Variants in TBC1D4 observed in about 807,000 individuals in gnomAD.
The protein encoded by TBC1D4 is TBC (Tre-2, BUB2, CDC16) domain-containing protein.
A neutral mutation model predicts 142.5 loss-of-function variants in TBC1D4; 121 were observed. The observed-to-expected ratio is 0.85, with a 90% confidence interval of 0.73 to 0.99. The LOEUF (loss-of-function observed/expected upper bound fraction) is 0.99. TBC1D4 is among the 50% of genes least tolerant of loss of function. The pLI, the probability that TBC1D4 is intolerant of heterozygous loss-of-function variation, is 0.00. For synonymous variants in TBC1D4, 630 were observed against 628.2 expected (o/e 1.00, Z -0.04); for missense variants, 1,475 against 1,606.6 (o/e 0.92, Z 1.40).
At chr13:75,456,971 T>C (rs910079030) in intron 1 of TBC1D4, among the ~76,000 whole-genome samples, 6 of 152,014 alleles carry the variant, frequency 3.9e-5, no homozygotes, top group African/African-American at 1.4e-4. Flanking sequence ...TTCTGCTGTA[T>C]GCAACACCAG....
chr13:75,398,183 C>CGTAA (rs1164725514), intron 1 of TBC1D4, among the ~76,000 whole-genome samples: 1 of 152,200 alleles, frequency 6.6e-6, no homozygotes, highest in Non-Finnish European at 1.5e-5. Flanking sequence ...GCTGTTCTTA[C>CGTAA]CAAGGAGAAT....
At chr13:75,387,321 A>G (rs1884237210) in intron 1 of TBC1D4, among the ~76,000 whole-genome samples, 1 of 152,230 alleles carries the variant, frequency 6.6e-6, no homozygotes. Flanking sequence ...TTGTCAGATA[A>G]TGGTTAATAT....
intron 1 of TBC1D4, among the ~76,000 whole-genome samples, chr13:75,371,661 T>C (rs145990488): frequency 9.9e-4 from 151 of 152,322 alleles, no homozygotes; most frequent in African/African-American, 3.4e-3. Flanking sequence ...CTGTGTTCTC[T>C]GGATTGCTAA....
At chr13:75,414,895 G>A (rs538146149) in intron 1 of TBC1D4, among the ~76,000 whole-genome samples, 26 of 151,972 alleles carry the variant, frequency 1.7e-4, no homozygotes, top group East Asian at 3.9e-4. Context: ...AGGCTGAGGC[G>A]GGCGGATCAC....
rs190521826 is a variant in TBC1D4, at chr13:75,292,332, G to A, written c.3317-61C>T. 102 of 1,377,684 alleles carry A rather than the reference G, an allele frequency of 7.4e-5. No homozygotes were observed. The East Asian group carries it at 1.3e-3, about 17-fold the overall frequency. The allele number at this position is 1,377,684 out of a possible 1,614,324, so 85.3% of individuals were successfully genotyped here. ...ATGCATCCACTCTTGTAAAAAGCAC[G>A]CTATTTGTGCTAAAGGTTTTTGTTT... On this transcript the variant is annotated intron_variant, in intron 18 of 20. Coordinates refer to ENST00000377636, the MANE Select transcript of TBC1D4 (RefSeq NM_014832.5).
intron 8 of TBC1D4, 115 bp downstream of exon 8, chr13:75,336,806 G>GTT: frequency 1.8e-5 from 21 of 1,193,084 alleles, no homozygotes; most frequent in Non-Finnish European, 1.9e-5. Flanking sequence ...GTTATCTTAG[G>GTT]TTTTTTTTTT....
intron 10 of TBC1D4, among the ~76,000 whole-genome samples, 183 bp downstream of exon 10, chr13:75,326,014 T>G (rs1879208192): frequency 6.6e-6 from 1 of 152,214 alleles, no homozygotes; most frequent in African/African-American, 2.4e-5. Context: ...AACTCTTCTT[T>G]TTGTGTATGC....
In TBC1D4 at chr13:75,302,209, C is replaced by T. The variant is rs1340305479; in HGVS notation, c.2911+34G>A. 1.9e-6 allele frequency: 3 copies of T among 1,613,502 alleles called. No homozygotes were observed. In the Admixed American group the frequency reaches 5.0e-5, roughly 27 times the overall value. On this transcript the variant is annotated intron_variant, in intron 16 of 20. Transcript: ENST00000377636. The stretch of plus-strand genomic sequence containing the variant: ...ACTTAACAGAGGGATCAGCTGTTTA[C>T]TTTTGTAAATTATAATCCACATGAC...
rs1880507239 is a variant in TBC1D4 at position 75,339,592 on chromosome 13, T to TA, written c.1611+1532_1611+1533insT. 2.0e-5 allele frequency among the ~76,000 whole-genome samples: 3 copies of TA among 151,904 alleles called. No homozygotes were observed. In the East Asian group the frequency reaches 5.8e-4, roughly 29 times the overall value. On this transcript the variant is annotated intron_variant, in intron 7 of 20. Transcript: ENST00000377636. ...ATAACTTTGTGCTCAATGTTCTTTT[T>TA]TTTTTTTGAGACGGAGTCTCCTGTC...
intron 1 of TBC1D4, among the ~76,000 whole-genome samples, chr13:75,364,097 A>C (rs1022088824): frequency 6.6e-6 from 1 of 152,128 alleles, no homozygotes; most frequent in African/African-American, 2.4e-5. Flanking sequence ...GGGAGTGTGC[A>C]TGGTGGGGGC....
At chr13:75,331,353 A>C (rs1240670269) in intron 8 of TBC1D4, among the ~76,000 whole-genome samples, 2 of 152,014 alleles carry the variant, frequency 1.3e-5, no homozygotes, top group Non-Finnish European at 2.9e-5. Context: ...AAATAAAATT[A>C]GCCAGGCTTG....
chr13:75,479,669 C>T (rs527327788), intron 1 of TBC1D4, among the ~76,000 whole-genome samples: 8 of 151,888 alleles, frequency 5.3e-5, no homozygotes, highest in African/African-American at 1.9e-4. Flanking sequence ...ATGCAACTGG[C>T]TCCTCTTTAC....
chr13:75,472,235 A>G (rs561129523), intron 1 of TBC1D4, among the ~76,000 whole-genome samples: 107 of 151,390 alleles, frequency 7.1e-4, no homozygotes, highest in Non-Finnish European at 1.2e-3. Context: ...CCTGGCCAAC[A>G]TGGTGAAACT....
intron 17 of TBC1D4, among the ~76,000 whole-genome samples, chr13:75,298,587 C>A (rs1876189839): frequency 6.6e-6 from 1 of 152,106 alleles, no homozygotes; most frequent in Admixed American, 6.6e-5. Context: ...CCCATCTCTA[C>A]TAGAAATACA....
At chr13:75,331,319 C>T (rs550312512) in intron 8 of TBC1D4, among the ~76,000 whole-genome samples, 2 of 151,798 alleles carry the variant, frequency 1.3e-5, no homozygotes, top group East Asian at 1.9e-4. Context: ...CATGATAAGA[C>T]CCTGTCTGTA....
chr13:75,361,527 GC>G (rs1192666943), intron 2 of TBC1D4, among the ~76,000 whole-genome samples: 3 of 151,988 alleles, frequency 2.0e-5, no homozygotes, highest in African/African-American at 7.2e-5. Flanking sequence ...TTACAGGCAC[GC>G]CCCCACCACA....
At position 75,468,131 on chromosome 13, in the gene TBC1D4, T is replaced by C. The variant is rs1297918190; in HGVS notation, c.498+13139A>G. Among the ~76,000 whole-genome samples the C allele has an allele frequency of 3.9e-5, 6 of 152,150 alleles. No homozygotes were observed. In the East Asian group the frequency reaches 1.2e-3, roughly 29 times the overall value. Reference sequence around the variant, plus strand: ...GTTGGTTTTTAAATAAACAGGGTAATGAACAAAGGAACAACTAAGAAATCA... The same window carrying C: ...GTTGGTTTTTAAATAAACAGGGTAACGAACAAAGGAACAACTAAGAAATCA... On this transcript the variant is annotated intron_variant, in intron 1 of 20. Transcript: ENST00000377636.
In TBC1D4 at chr13:75,481,833, G is replaced by T; in HGVS notation, c.-66C>A. On this transcript the variant is annotated 5_prime_UTR_variant, in exon 1 of 21. The change creates a new upstream start codon in the 5' untranslated region. Transcript: ENST00000377636. ...GCACCGCGCCCCCCACTCCCGCGCA[G>T]AAGGCGCCGCCGAAACTGTGCCAAC... The T allele has an allele frequency of 2.1e-6, 3 of 1,416,110 alleles. No individual in the cohort carries two copies. The highest frequency in any genetic ancestry group is 3.2e-5 in the South Asian group (2 of 63,350). The allele number at this position is 1,416,110 out of a possible 1,614,324, so 87.7% of individuals were successfully genotyped here.
At chr13:75,404,831 G>T (rs968581493) in intron 1 of TBC1D4, among the ~76,000 whole-genome samples, 3 of 152,106 alleles carry the variant, frequency 2.0e-5, no homozygotes, top group Admixed American at 1.3e-4. Flanking sequence ...TTGAACAAGA[G>T]TAGAACTATG....
Sources: allele counts gnomAD v4.1 joint callset (sites outside exome capture counted in the v4.1 genomes callset), GRCh38; gene constraint gnomAD v4.1.1; transcripts MANE v1.5; gene names NCBI Gene and HGNC (gene_info 2026-07-23, HGNC 2026-07-21).